Variants in PDPR observed in about 807,000 individuals in gnomAD.
The protein encoded by PDPR is pyruvate dehydrogenase phosphatase regulatory subunit, mitochondrial.
A neutral mutation model predicts 102.2 loss-of-function variants in PDPR; 50 were observed. That is an observed-to-expected ratio of 0.49 (90% CI 0.39 to 0.62). The LOEUF is 0.62. Among genes scored for constraint, PDPR ranks in the 20% least tolerant of loss-of-function variants. PDPR has a pLI of 0.00. For synonymous variants in PDPR, 259 were observed against 406.0 expected, an observed-to-expected ratio of 0.64 and a Z score of 4.35; for missense variants, 625 against 1,098.2, an observed-to-expected ratio of 0.57 and a Z score of 6.09.
At chr16:70,137,980 C>A (rs60636302) in intron 10 of PDPR, among the ~76,000 whole-genome samples, 2 of 151,998 alleles carry the variant, frequency 1.3e-5, no homozygotes, top group Non-Finnish European at 2.9e-5. Flanking sequence ...GGGATCATCC[C>A]GCATCAGACT....
Position 70,156,470 on chromosome 16 carries a change from C to T in PDPR, c.2236-5C>T. 1.2e-6 allele frequency: 2 copies of T among 1,609,722 alleles called. No homozygotes were observed. Among genetic ancestry groups the T allele is most frequent in the African/African-American group, 1.3e-5 (1 of 74,916 alleles). On this transcript the variant is annotated splice_polypyrimidine_tract_variant and splice_region_variant and intron_variant, in intron 18 of 18. Transcript: ENST00000288050. ...GGATGACTCGGCGTTTCCTTTCTTT[C>T]TTAGGGCATGGATTTCATTGGTCGC...
At chr16:70,134,077 G>T (rs1465213638) in intron 9 of PDPR, among the ~76,000 whole-genome samples, 1 of 152,224 alleles carries the variant, frequency 6.6e-6, no homozygotes, top group African/African-American at 2.4e-5. Context: ...CAGATTTTAG[G>T]TTTTAGGAGG....
At chr16:70,146,088 G>A in intron 15 of PDPR, 46 bp from the exon 16 acceptor site, 1 of 1,605,110 alleles carries the variant, frequency 6.2e-7, no homozygotes, top group African/African-American at 1.3e-5. Flanking sequence ...CATTGGCTCA[G>A]CTGTTCAGAA....
At chr16:70,118,406 G>A (rs1017387915) in intron 2 of PDPR, among the ~76,000 whole-genome samples, 1 of 152,384 alleles carries the variant, frequency 6.6e-6, no homozygotes, top group South Asian at 2.1e-4. Context: ...CCTGAATACA[G>A]ACAGAGGTCT....
At chr16:70,145,122 G>A (rs1247509099) in intron 15 of PDPR, among the ~76,000 whole-genome samples, 3 of 152,084 alleles carry the variant, frequency 2.0e-5, no homozygotes, top group Non-Finnish European at 2.9e-5. Context: ...ACATGGTGGT[G>A]CATGCCTGTA....
chr16:70,159,855 ATG>A lies in PDPR; in HGVS notation c.*2980_*2981del, dbSNP rs1232721896. On this transcript the variant is annotated 3_prime_UTR_variant, in exon 19 of 19. Coordinates refer to ENST00000288050, the MANE Select transcript of PDPR (RefSeq NM_017990.5). ...AGGGACAACCACAGCCTCCTCATCC[ATG>A]TGTCATTTCCAAGGGTTTGCCTTGT... 2 of 153,128 alleles carry A rather than the reference ATG, an allele frequency of 1.3e-5. No homozygotes were observed. Among genetic ancestry groups the A allele is most frequent in the Admixed American group, 6.5e-5 (1 of 15,302 alleles). The allele number at this position is 153,128 out of a possible 1,614,324, so 9.5% of individuals were successfully genotyped here.
chr16:70,154,604 G>C (rs1325760708), intron 18 of PDPR, among the ~76,000 whole-genome samples: 1 of 152,258 alleles, frequency 6.6e-6, no homozygotes, highest in Non-Finnish European at 1.5e-5. Flanking sequence ...GTACAAACTA[G>C]TCGTCCTATA....
chr16:70,120,085 T>G, intron 2 of PDPR: 1 of 174,056 alleles, frequency 5.7e-6, no homozygotes, highest in Non-Finnish European at 1.2e-5. Context: ...CCCAGCTAAT[T>G]TTTGTGTTTT....
intron 18 of PDPR, among the ~76,000 whole-genome samples, chr16:70,153,815 C>T (rs995038529): frequency 3.9e-5 from 6 of 152,258 alleles, no homozygotes; most frequent in African/African-American, 7.2e-5. Context: ...GAGGCTGAGG[C>T]GGGTGGATCA....
chr16:70,154,967 G>A (rs117064161), intron 18 of PDPR, among the ~76,000 whole-genome samples: 20 of 152,248 alleles, frequency 1.3e-4, no homozygotes, highest in Admixed American at 8.5e-4. Context: ...TGTTTTGGGC[G>A]GATCACCTGA....
At chr16:70,124,054 C>CAAAA (rs11428362) in intron 3 of PDPR, among the ~76,000 whole-genome samples, 1 of 143,278 alleles carries the variant, frequency 7.0e-6, no homozygotes. Flanking sequence ...GACTCAGTCT[C>CAAAA]AAAAAAAAAA....
intron 11 of PDPR, among the ~76,000 whole-genome samples, chr16:70,140,955 G>C (rs1442901634): frequency 6.6e-6 from 1 of 152,252 alleles, no homozygotes; most frequent in Non-Finnish European, 1.5e-5. Flanking sequence ...CCCAAGCCTT[G>C]ATGTGCCTTT....
intron 9 of PDPR, among the ~76,000 whole-genome samples, chr16:70,135,737 G>C (rs534082905): frequency 9.1e-4 from 139 of 152,312 alleles, no homozygotes; most frequent in Middle Eastern, 3.4e-3. Context: ...CAAGGTTTCT[G>C]CTTTGTGATA....
chr16:70,123,878 C>T (rs561436993), intron 3 of PDPR, among the ~76,000 whole-genome samples: 44 of 152,262 alleles, frequency 2.9e-4, no homozygotes, highest in African/African-American at 9.6e-4. Context: ...CATGGTGAAA[C>T]GCCGTCTCTA....
rs2152125615 is a variant in PDPR, at chr16:70,158,832, AG to A, written c.*1954del. ...CCGAAGATGGAGACAGGTGACTGAG[AG>A]CTGCAGGCCTCCTCTGCTCTTCCAA... On this transcript the variant is annotated 3_prime_UTR_variant, in exon 19 of 19. Transcript: ENST00000288050. The A allele has an allele frequency of 6.5e-6, 1 of 152,806 alleles. No homozygotes were observed. Among genetic ancestry groups the A allele is most frequent in the South Asian group, 2.1e-4 (1 of 4,836 alleles). 9.5% of individuals were successfully genotyped at this position (152,806 alleles called of 1,614,324 possible). A position where few individuals can be genotyped will look rare whatever the true frequency, so the allele number is the denominator to read the frequency against.
At chr16:70,127,094 GTCC>G (rs1964054014) in intron 3 of PDPR, among the ~76,000 whole-genome samples, 163 bp from the exon 4 acceptor site, 1 of 152,226 alleles carries the variant, frequency 6.6e-6, no homozygotes, top group African/African-American at 2.4e-5. Flanking sequence ...GCAGTCCTCA[GTCC>G]TCCTACCTTG....
chr16:70,154,436 C>T (rs577655200), intron 18 of PDPR, among the ~76,000 whole-genome samples: 1 of 152,292 alleles, frequency 6.6e-6, no homozygotes, highest in Non-Finnish European at 1.5e-5. Flanking sequence ...TTGAGCTCAG[C>T]CTGGGCAATA....
At position 70,131,341 on chromosome 16, in the gene PDPR, A is replaced by ACAT; in HGVS notation, c.769_770insCAT (p.Ser257delinsThrCys). 6.5e-7 allele frequency: 1 copy of ACAT among 1,538,824 alleles called. No homozygotes were observed. The highest frequency in any genetic ancestry group is 8.8e-7 in the Non-Finnish European group (1 of 1,130,254). Reference sequence around the variant, plus strand: ...GGGTCTGTCCAACGAGGAGCCGGTTAGTATCCCGCTACATGCCTGCGAACA... The same window carrying ACAT: ...GGGTCTGTCCAACGAGGAGCCGGTTACATGTATCCCGCTACATGCCTGCGAACA... On this transcript the variant is annotated protein_altering_variant, in exon 8 of 19. Coordinates refer to ENST00000288050, the MANE Select transcript of PDPR (RefSeq NM_017990.5).
chr16:70,139,540 A>G (rs1400539723), intron 11 of PDPR, among the ~76,000 whole-genome samples: 3 of 152,264 alleles, frequency 2.0e-5, no homozygotes, highest in Non-Finnish European at 4.4e-5. Flanking sequence ...CTACAGCAGC[A>G]AGATTGGGAG....
Sources: allele counts gnomAD v4.1 joint callset (sites outside exome capture counted in the v4.1 genomes callset), GRCh38; gene constraint gnomAD v4.1.1; transcripts MANE v1.5; gene names NCBI Gene and HGNC (gene_info 2026-07-23, HGNC 2026-07-21).